The following ZC3H12B variants were observed in gnomAD, a reference collection of about 807,000 sequenced individuals.
ZC3H12B encodes probable ribonuclease ZC3H12B.
ZC3H12B carries 7 observed loss-of-function variants against 43.9 expected under a neutral mutation model. The observed-to-expected ratio is 0.16, with a 90% CI of 0.09 to 0.30. The LOEUF (loss-of-function observed/expected upper bound fraction) is 0.30. Ranked by LOEUF, ZC3H12B falls within the 10% of genes least tolerant of loss-of-function variation. ZC3H12B has a pLI of 1.00. For synonymous variants in ZC3H12B, 222 were observed against 241.7 expected, an observed-to-expected ratio of 0.92 and a Z score of 0.76; for missense variants, 475 against 670.2, an observed-to-expected ratio of 0.71 and a Z score of 3.22.
chrX:65,096,607 AG>A, the ZC3H12B span, among the ~76,000 whole-genome samples: 2 of 111,506 alleles, frequency 1.8e-5, no homozygotes, highest in Non-Finnish European at 3.8e-5. Context: ...AAAACTGAAA[AG>A]CAAAAAGAAG....
the ZC3H12B span, among the ~76,000 whole-genome samples, chrX:65,087,823 A>G: frequency 1.8e-5 from 2 of 112,099 alleles, no homozygotes; most frequent in Non-Finnish European, 3.8e-5. Context: ...CAACAGGTAA[A>G]TACTACTCTT....
At chrX:65,122,034 T>C in the ZC3H12B span, among the ~76,000 whole-genome samples, 1 of 111,392 alleles carries the variant, frequency 9.0e-6, no homozygotes, top group Non-Finnish European at 1.9e-5. Flanking sequence ...ATTTCTGTTC[T>C]TTTGCATTTG....
the ZC3H12B span, among the ~76,000 whole-genome samples, chrX:65,086,590 A>G: frequency 9.0e-6 from 1 of 111,396 alleles, no homozygotes; most frequent in African/African-American, 3.3e-5. Flanking sequence ...AGTTTTCACA[A>G]ATGTTATTAG....
At chrX:65,386,982 C>G (rs2066536590) in intron 2 of ZC3H12B, among the ~76,000 whole-genome samples, 1 of 111,827 alleles carries the variant, frequency 8.9e-6, no homozygotes, top group Non-Finnish European at 1.9e-5. Context: ...ATCCTGAGTT[C>G]TAGTTTGATT....
chrX:65,382,354 C>T (rs1453145214), intron 2 of ZC3H12B, among the ~76,000 whole-genome samples: 5 of 110,546 alleles, frequency 4.5e-5, no homozygotes, highest in South Asian at 3.9e-4. Context: ...ACAAAAACCA[C>T]ATGATTATCT....
chrX:65,239,219 A>T, the ZC3H12B span, among the ~76,000 whole-genome samples: 3 of 111,063 alleles, frequency 2.7e-5, no homozygotes, highest in Non-Finnish European at 3.8e-5. Context: ...GTCTCTTTGT[A>T]GGTCTCTAAA....
chrX:65,469,498 A>G, intron 3 of ZC3H12B: 1 of 360,273 alleles, frequency 2.8e-6, no homozygotes, highest in Non-Finnish European at 5.2e-6. Context: ...AAATTGGTAA[A>G]GCTGGAGGAT....
the ZC3H12B span, among the ~76,000 whole-genome samples, chrX:65,302,525 T>A: frequency 8.9e-6 from 1 of 112,031 alleles, no homozygotes; most frequent in African/African-American, 3.2e-5. Context: ...ACTAAATAAA[T>A]GGGAAGTCAT....
chrX:65,408,375 A>G (rs2066861952), intron 3 of ZC3H12B: 6 of 1,203,384 alleles, frequency 5.0e-6, no homozygotes, highest in Non-Finnish European at 6.8e-6. Flanking sequence ...TTTCTGTCTC[A>G]GGAACATCAA....
the ZC3H12B span, among the ~76,000 whole-genome samples, chrX:65,119,699 T>C: frequency 2.7e-5 from 3 of 111,852 alleles, no homozygotes; most frequent in African/African-American, 9.8e-5. Context: ...GCTTTTGGTG[T>C]TTTAGACATG....
At chrX:65,123,560 TGCTTTTG>T in the ZC3H12B span, among the ~76,000 whole-genome samples, 3 of 110,623 alleles carry the variant, frequency 2.7e-5, no homozygotes, top group Non-Finnish European at 3.8e-5. Context: ...ATTTGTAGAA[TGCTTTTG>T]GCAGTATGGT....
Position 65,408,209 on chromosome X carries a change from C to A in ZC3H12B, n.407+9505C>A, listed in dbSNP as rs755398510. On this transcript the variant is annotated intron_variant and non_coding_transcript_variant, in intron 3 of 5. Transcript: ENST00000617377. ...GTTCCTGCAGGCGCAGTATCACAGC[C>A]TTAAATTGGAATGTGAGTAACCGGC... 27 of 1,195,901 alleles carry A rather than the reference C, an allele frequency of 2.3e-5. No homozygotes were observed. In the African/African-American group the frequency reaches 4.5e-4, roughly 20 times the overall value.
chrX:65,408,150 C>T, intron 3 of ZC3H12B: 2 of 1,200,760 alleles, frequency 1.7e-6, no homozygotes, highest in Admixed American at 2.2e-5. Context: ...TTCAGTATCG[C>T]GGAGTCCCTG....
At chrX:65,227,580 T>C in the ZC3H12B span, among the ~76,000 whole-genome samples, 1 of 111,107 alleles carries the variant, frequency 9.0e-6, no homozygotes, top group Non-Finnish European at 1.9e-5. Flanking sequence ...TTCAAAAAAT[T>C]AATGAATCCA....
upstream of ZC3H12B, among the ~76,000 whole-genome samples, chrX:65,488,381 T>C (rs996151998): frequency 1.1e-4 from 10 of 89,893 alleles, no homozygotes; most frequent in Non-Finnish European, 2.1e-4. Flanking sequence ...TTATTTTGTG[T>C]CCATGTCGCA....
At chrX:65,045,049 C>A in the ZC3H12B span, among the ~76,000 whole-genome samples, 6 of 110,503 alleles carry the variant, frequency 5.4e-5, no homozygotes, top group South Asian at 3.9e-4. Context: ...AATCTTAATT[C>A]TTTTAATTAA....
At chrX:65,133,894 G>A in the ZC3H12B span, among the ~76,000 whole-genome samples, 1 of 110,835 alleles carries the variant, frequency 9.0e-6, no homozygotes, top group Non-Finnish European at 1.9e-5. Flanking sequence ...AGAATGCCTG[G>A]CAGTCAGGCA....
the ZC3H12B span, among the ~76,000 whole-genome samples, chrX:65,057,835 A>T: frequency 9.0e-6 from 1 of 110,995 alleles, no homozygotes; most frequent in African/African-American, 3.3e-5. Context: ...CATTCATTTG[A>T]TCTTCCATCA....
At chrX:65,156,109 C>G in the ZC3H12B span, among the ~76,000 whole-genome samples, 1 of 110,743 alleles carries the variant, frequency 9.0e-6, no homozygotes, top group Non-Finnish European at 1.9e-5. Context: ...TTATAGTATC[C>G]TCTTAGTATC....
Sources: gnomAD v4.1 joint callset for allele counts (sites outside exome capture counted in the v4.1 genomes callset) on GRCh38, gnomAD v4.1.1 for gene constraint, MANE v1.5 for transcripts, NCBI Gene and HGNC (gene_info 2026-07-23, HGNC 2026-07-21) for gene names.